The following PTPRN2 variants were observed in gnomAD, a reference collection of about 807,000 sequenced individuals.
The protein encoded by PTPRN2 is receptor-type tyrosine-protein phosphatase N2.
In PTPRN2, 74 loss-of-function variants were observed where a neutral mutation model predicts 118.8. That is an observed-to-expected ratio of 0.62 (90% CI 0.52 to 0.76). PTPRN2 has a LOEUF of 0.76. Among genes scored for constraint, PTPRN2 ranks in the 30% least tolerant of loss-of-function variants. The pLI, the probability that PTPRN2 is intolerant of heterozygous loss-of-function variation, is 0.00. For synonymous variants in PTPRN2, 641 were observed against 608.0 expected, an observed-to-expected ratio of 1.05 and a Z score of -0.80; for missense variants, 1,481 against 1,394.4, an observed-to-expected ratio of 1.06 and a Z score of -0.99.
chr7:157,984,713 C>T (rs1028503681), intron 11 of PTPRN2, among the ~76,000 whole-genome samples: 1 of 152,134 alleles, frequency 6.6e-6, no homozygotes, highest in Non-Finnish European at 1.5e-5. Context: ...CACTTTTCTC[C>T]CTGACTCCAG....
chr7:158,145,141 C>A (rs1819797185), intron 6 of PTPRN2, among the ~76,000 whole-genome samples: 1 of 151,154 alleles, frequency 6.6e-6, no homozygotes, highest in Non-Finnish European at 1.5e-5. Context: ...TCCAGAATAC[C>A]ACGGCTCGGC....
At chr7:158,508,623 G>A (rs1822951516) in intron 1 of PTPRN2, among the ~76,000 whole-genome samples, 2 of 150,178 alleles carry the variant, frequency 1.3e-5, no homozygotes, top group Non-Finnish European at 3.0e-5. Flanking sequence ...GGGACGCTCG[G>A]AGCAGGTGCG....
At chr7:158,171,268 C>A (rs71544553) in intron 5 of PTPRN2, among the ~76,000 whole-genome samples, 1 of 97,456 alleles carries the variant, frequency 1.0e-5, no homozygotes, top group African/African-American at 4.5e-5. Context: ...TATATACACA[C>A]ATATATACAC....
rs545623416 is a variant in PTPRN2 at position 157,550,326 on chromosome 7, C to T, written c.2903-1307G>A. The stretch of plus-strand genomic sequence containing the variant: ...AGTCACAGCAGGTGCCTGCGAAGCA[C>T]CTCCAAGTCAGAACTGCGGGCAGCT... On this transcript the variant is annotated intron_variant, in intron 21 of 22. Transcript: ENST00000389418. The surrounding 1 kb of genome is among the most constrained non-coding windows in gnomAD (Gnocchi z 5.2). 6.6e-6 allele frequency among the ~76,000 whole-genome samples: 1 copy of T among 151,966 alleles called. No homozygotes were observed. The highest frequency in any genetic ancestry group is 1.9e-4 in the East Asian group (1 of 5,162).
At chr7:157,761,782 G>T (rs1372858064) in intron 12 of PTPRN2, among the ~76,000 whole-genome samples, 4 of 149,584 alleles carry the variant, frequency 2.7e-5, no homozygotes, top group Non-Finnish European at 5.9e-5. Context: ...CTTCTGCACA[G>T]CAAAAGAAAC....
chr7:158,530,933 C>T (rs1825178954), intron 1 of PTPRN2, among the ~76,000 whole-genome samples: 1 of 152,156 alleles, frequency 6.6e-6, no homozygotes. Flanking sequence ...GCCCTCAAAA[C>T]ATACACGTGT....
chr7:157,784,868 G>C lies in PTPRN2; in HGVS notation c.1789-101931C>G, dbSNP rs117057311. Among the ~76,000 whole-genome samples, 1 of 152,262 alleles carries C rather than the reference G, an allele frequency of 6.6e-6. No individual in the cohort carries two copies. The highest frequency in any genetic ancestry group is 1.5e-5 in the Non-Finnish European group (1 of 68,006). ...GGGCCTGGACAAGTAATAAGGTCAAGATATTTTTGGACTTGTTCAAATGGG... is the reference window on the plus strand; with the variant it reads ...GGGCCTGGACAAGTAATAAGGTCAACATATTTTTGGACTTGTTCAAATGGG... On this transcript the variant is annotated intron_variant, in intron 12 of 22. Coordinates refer to ENST00000389418, the MANE Select transcript of PTPRN2 (RefSeq NM_002847.5). The surrounding 1 kb of genome is among the most constrained non-coding windows in gnomAD (Gnocchi z 4.6).
At chr7:157,810,367 C>A (rs1008251448) in intron 12 of PTPRN2, among the ~76,000 whole-genome samples, 1 of 152,180 alleles carries the variant, frequency 6.6e-6, no homozygotes, top group African/African-American at 2.4e-5. Context: ...CCAGGCTGGG[C>A]TAGAGGTGCC....
At chr7:158,300,336 C>T (rs1276860944) in intron 3 of PTPRN2, among the ~76,000 whole-genome samples, 9 of 152,174 alleles carry the variant, frequency 5.9e-5, no homozygotes, top group South Asian at 2.1e-4. Context: ...TCTGATCCGA[C>T]GGCTAGGGTT....
At chr7:158,150,340 T>A (rs58258763) in intron 6 of PTPRN2, among the ~76,000 whole-genome samples, 2 of 152,144 alleles carry the variant, frequency 1.3e-5, no homozygotes, top group African/African-American at 4.8e-5. Context: ...GTTCCATTTC[T>A]GAGTACCTGG....
chr7:157,656,694 G>T, intron 13 of PTPRN2, 143 bp from the exon 14 acceptor site: 2 of 876,528 alleles, frequency 2.3e-6, no homozygotes, highest in Non-Finnish European at 3.4e-6. Context: ...CCCAGGGCAG[G>T]CCAGCGCAAC....
At chr7:157,719,296 C>T (rs76091576) in intron 12 of PTPRN2, among the ~76,000 whole-genome samples, 1,880 of 152,336 alleles carry the variant, frequency 0.012, 38 homozygotes, top group African/African-American at 0.043. Context: ...TCTCCATTCT[C>T]GACCCATTAA....
chr7:157,555,664 T>C (rs1383192433), intron 21 of PTPRN2, among the ~76,000 whole-genome samples: 1 of 152,240 alleles, frequency 6.6e-6, no homozygotes, highest in East Asian at 1.9e-4. Flanking sequence ...TCAGAGGTTT[T>C]GCAAACTGCA....
rs577482668 is a variant in PTPRN2, at chr7:158,113,507, G to A, written c.1557-2592C>T. 7.2e-5 allele frequency among the ~76,000 whole-genome samples: 11 copies of A among 152,232 alleles called. 1 individual carries two copies. The East Asian group carries it at 2.1e-3, about 30-fold the overall frequency. The stretch of plus-strand genomic sequence containing the variant: ...GAGTAGGACAATGGTAACAGAACTG[G>A]CACCAGGGCTGGAGACCCCAGGCAT... On this transcript the variant is annotated intron_variant, in intron 9 of 22. Transcript: ENST00000389418.
At chr7:158,439,369 C>T (rs1434843386) in intron 2 of PTPRN2, among the ~76,000 whole-genome samples, 2 of 152,110 alleles carry the variant, frequency 1.3e-5, no homozygotes, top group African/African-American at 2.4e-5. Flanking sequence ...TGACTGAGAC[C>T]TTTCTCAGAT....
intron 11 of PTPRN2, among the ~76,000 whole-genome samples, chr7:158,007,211 C>T (rs915761564): frequency 4.2e-4 from 64 of 152,194 alleles, no homozygotes; most frequent in African/African-American, 9.9e-4. Context: ...TCGCCTTATG[C>T]GGCCCCGGGT....
At chr7:158,043,878 C>T (rs1357013577) in intron 11 of PTPRN2, among the ~76,000 whole-genome samples, 1 of 152,192 alleles carries the variant, frequency 6.6e-6, no homozygotes, top group Admixed American at 6.5e-5. Context: ...CAGCATTTAG[C>T]AATTACATAA....
intron 2 of PTPRN2, among the ~76,000 whole-genome samples, chr7:158,468,823 CCGATCAACA>C (rs1819569458): frequency 6.7e-6 from 1 of 150,312 alleles, no homozygotes. Flanking sequence ...ACGCACACTC[CCGATCAACA>C]ATGTGCACAC....
In PTPRN2 at chr7:158,526,675, G is replaced by A. The variant is rs945632140; in HGVS notation, c.113-36890C>T. ...GTGATTTCAGTAAAACGAGGTCGCC[G>A]GATGGGCCCGGATCCAGGCTGACTG... is the stretch of plus-strand genomic sequence containing the variant. On this transcript the variant is annotated intron_variant, in intron 1 of 22. Transcript: ENST00000389418. This position sits in a 1 kb window ranked among gnomAD's most constrained non-coding sequence, Gnocchi z 5.2. 6.6e-6 allele frequency among the ~76,000 whole-genome samples: 1 copy of A among 152,116 alleles called. No individual in the cohort carries two copies. The highest frequency in any genetic ancestry group is 1.5e-5 in the Non-Finnish European group (1 of 68,024).
Sources: allele counts gnomAD v4.1 joint callset (sites outside exome capture counted in the v4.1 genomes callset), GRCh38; gene constraint gnomAD v4.1.1; non-coding constraint Gnocchi (gnomAD v3.1); transcripts MANE v1.5; gene names NCBI Gene and HGNC (gene_info 2026-07-23, HGNC 2026-07-21).